The following IMMP2L variants were observed in gnomAD, a reference collection of about 807,000 sequenced individuals.
IMMP2L encodes inner mitochondrial membrane peptidase subunit 2.
Under a neutral mutation model 19.3 loss-of-function variants are expected in IMMP2L, and 18 were observed. That is an observed-to-expected ratio of 0.93 (90% CI 0.64 to 1.38). IMMP2L has a LOEUF of 1.38. IMMP2L is among the 40% of genes most tolerant of loss of function. IMMP2L has a pLI of 0.00. For synonymous variants in IMMP2L, 76 were observed against 73.0 expected, an observed-to-expected ratio of 1.04 and a Z score of -0.21; for missense variants, 233 against 218.2, an observed-to-expected ratio of 1.07 and a Z score of -0.43.
intron 3 of IMMP2L, among the ~76,000 whole-genome samples, chr7:111,215,258 C>G (rs780382709): frequency 6.6e-6 from 1 of 152,164 alleles, no homozygotes; most frequent in Non-Finnish European, 1.5e-5. Flanking sequence ...ATTGGTGAGC[C>G]TCCCATGCAT....
At chr7:111,352,285 G>T (rs1828244099) in intron 3 of IMMP2L, among the ~76,000 whole-genome samples, 2 of 151,388 alleles carry the variant, frequency 1.3e-5, no homozygotes, top group African/African-American at 4.9e-5. Flanking sequence ...CTGCAGCCCT[G>T]AACTCCTGGG....
intron 3 of IMMP2L, among the ~76,000 whole-genome samples, chr7:111,173,422 G>A (rs541060264): frequency 2.4e-4 from 37 of 151,578 alleles, no homozygotes; most frequent in Admixed American, 2.6e-4. Flanking sequence ...TCTCACACCC[G>A]TTCTGTGAGC....
chr7:111,047,560 G>A (rs1792525134), intron 3 of IMMP2L, among the ~76,000 whole-genome samples: 1 of 152,032 alleles, frequency 6.6e-6, no homozygotes, highest in Non-Finnish European at 1.5e-5. Context: ...AACTGTAGAA[G>A]CCTTTTTCCT....
chr7:110,713,711 G>T (rs1205897138), intron 5 of IMMP2L, among the ~76,000 whole-genome samples: 1 of 151,252 alleles, frequency 6.6e-6, no homozygotes, highest in Non-Finnish European at 1.5e-5. Flanking sequence ...ATTGTAAATG[G>T]GATTGTGTTC....
chr7:110,706,828 G>A (rs1794720658), intron 5 of IMMP2L, among the ~76,000 whole-genome samples: 1 of 151,842 alleles, frequency 6.6e-6, no homozygotes, highest in African/African-American at 2.4e-5. Context: ...TTCTTTTGCT[G>A]TGCAGATGCT....
intron 3 of IMMP2L, among the ~76,000 whole-genome samples, chr7:111,121,584 C>G (rs1397387765): frequency 1.3e-5 from 2 of 152,042 alleles, no homozygotes; most frequent in Non-Finnish European, 2.9e-5. Flanking sequence ...GAAACAACAG[C>G]TGCTAGAGAG....
In IMMP2L at chr7:110,886,191, C is replaced by G. The variant is rs1004102222; in HGVS notation, c.408+402G>C. On this transcript the variant is annotated intron_variant, in intron 5 of 5. Coordinates refer to ENST00000405709, the MANE Select transcript of IMMP2L (RefSeq NM_032549.4). ...ATTTACCAATATGATTTCTATTACA[C>G]TTGCATTTTAAACTAATGATTTAGA... is the stretch of plus-strand genomic sequence containing the variant. Among the ~76,000 whole-genome samples, 3 of 152,024 alleles carry G rather than the reference C, an allele frequency of 2.0e-5. No individual in the cohort carries two copies. In the South Asian group the frequency reaches 6.2e-4, roughly 31 times the overall value.
chr7:110,726,542 A>G (rs933289928), intron 5 of IMMP2L, among the ~76,000 whole-genome samples: 1 of 152,216 alleles, frequency 6.6e-6, no homozygotes, highest in African/African-American at 2.4e-5. Context: ...CTAAAATGCT[A>G]TACCTACATC....
At chr7:111,374,495 A>G (rs1425852823) in intron 3 of IMMP2L, among the ~76,000 whole-genome samples, 1 of 152,096 alleles carries the variant, frequency 6.6e-6, no homozygotes. Flanking sequence ...CCACAAAGTG[A>G]GCTTTTCAAA....
chr7:111,080,480 GTATTA>G (rs926531716), intron 3 of IMMP2L, among the ~76,000 whole-genome samples: 1 of 142,002 alleles, frequency 7.0e-6, no homozygotes, highest in South Asian at 2.2e-4. Flanking sequence ...ATACATGTGT[GTATTA>G]TATATTATGT....
At chr7:111,200,491 G>T (rs879317320) in intron 3 of IMMP2L, among the ~76,000 whole-genome samples, 1 of 151,832 alleles carries the variant, frequency 6.6e-6, no homozygotes, top group Non-Finnish European at 1.5e-5. Flanking sequence ...TATTTTGTTT[G>T]TCTACTTTCC....
intron 5 of IMMP2L, among the ~76,000 whole-genome samples, chr7:110,837,677 C>T (rs908567745): frequency 2.6e-5 from 4 of 151,994 alleles, no homozygotes; most frequent in Admixed American, 2.0e-4. Context: ...GTCAACTATA[C>T]AGGGGCCTCA....
intron 3 of IMMP2L, among the ~76,000 whole-genome samples, chr7:111,414,682 T>C (rs1834794759): frequency 6.6e-6 from 1 of 151,746 alleles, no homozygotes; most frequent in African/African-American, 2.4e-5. Context: ...TAATATTGTA[T>C]CAATATTGGT....
intron 3 of IMMP2L, among the ~76,000 whole-genome samples, chr7:111,223,432 G>A (rs2129621151): frequency 6.6e-6 from 1 of 152,046 alleles, no homozygotes; most frequent in South Asian, 2.1e-4. Flanking sequence ...TAAGCACAAT[G>A]AACTCTAGGA....
At chr7:110,883,215 T>C (rs1446257549) in intron 5 of IMMP2L, among the ~76,000 whole-genome samples, 1 of 152,164 alleles carries the variant, frequency 6.6e-6, no homozygotes, top group Non-Finnish European at 1.5e-5. Flanking sequence ...GAAAAATTTT[T>C]TGTACTTCAT....
At position 111,123,789 on chromosome 7, in the gene IMMP2L, C is replaced by G; in HGVS notation, c.240-160224G>C. On this transcript the variant is annotated intron_variant, in intron 3 of 5. Coordinates refer to ENST00000405709, the MANE Select transcript of IMMP2L (RefSeq NM_032549.4). The surrounding 1 kb of genome is among the most constrained non-coding windows in gnomAD (Gnocchi z 6.4). ...TCAGACTCCCCAAGCTGGAATCACT[C>G]ATGCTGAACAGCAATGCTCTCAGTG... 1 of 1,614,034 alleles carries G rather than the reference C, an allele frequency of 6.2e-7. No homozygotes were observed. Among genetic ancestry groups the G allele is most frequent in the Non-Finnish European group, 8.5e-7 (1 of 1,179,972 alleles).
chr7:111,005,809 T>C (rs2129562082), intron 3 of IMMP2L, among the ~76,000 whole-genome samples: 1 of 152,296 alleles, frequency 6.6e-6, no homozygotes, highest in East Asian at 1.9e-4. Flanking sequence ...TCTTCTGTTC[T>C]AAATGGGTCT....
At chr7:110,902,152 T>C (rs927166878) in intron 4 of IMMP2L, among the ~76,000 whole-genome samples, 1 of 151,940 alleles carries the variant, frequency 6.6e-6, no homozygotes, top group African/African-American at 2.4e-5. Context: ...GGGATTAAAA[T>C]TTTAAGTATG....
intron 3 of IMMP2L, among the ~76,000 whole-genome samples, chr7:111,459,447 A>G (rs1839951451): frequency 6.6e-6 from 1 of 152,158 alleles, no homozygotes; most frequent in East Asian, 1.9e-4. Context: ...AATAAATTTT[A>G]TTTAAATAAA....
Sources: gnomAD v4.1 joint callset for allele counts (sites outside exome capture counted in the v4.1 genomes callset) on GRCh38, gnomAD v4.1.1 for gene constraint, Gnocchi (gnomAD v3.1) non-coding constraint, MANE v1.5 for transcripts, NCBI Gene and HGNC (gene_info 2026-07-23, HGNC 2026-07-21) for gene names.